The following ACTR3C variants were observed in gnomAD, a reference collection of about 807,000 sequenced individuals.
The protein encoded by ACTR3C is actin-related protein 3C.
A neutral mutation model predicts 26.3 loss-of-function variants in ACTR3C; 18 were observed. The ratio of observed to expected loss-of-function variants is 0.68; its 90% CI spans 0.47 to 1.01. The LOEUF (loss-of-function observed/expected upper bound fraction) is 1.01, where lower values mean the gene tolerates loss of function less well. Ranked by LOEUF, ACTR3C falls within the 50% of genes least tolerant of loss-of-function variation. ACTR3C has a pLI of 0.00. For missense variants in ACTR3C, 184 were observed against 250.7 expected, an observed-to-expected ratio of 0.73 and a Z score of 1.80; for synonymous variants, 55 against 94.5, an observed-to-expected ratio of 0.58 and a Z score of 2.42.
At chr7:150,181,325 A>C in the ACTR3C span, among the ~76,000 whole-genome samples, 1 of 150,980 alleles carries the variant, frequency 6.6e-6, no homozygotes, top group Non-Finnish European at 1.5e-5. Context: ...AGAAGAAAAC[A>C]ATCAGGTTCT....
chr7:150,043,300 C>G, the ACTR3C span, among the ~76,000 whole-genome samples: 1 of 151,062 alleles, frequency 6.6e-6, no homozygotes, highest in African/African-American at 2.4e-5. Flanking sequence ...GGAAGAGGGG[C>G]TGGCTCTCAG....
chr7:149,925,915 T>G, the ACTR3C span, among the ~76,000 whole-genome samples: 1 of 151,786 alleles, frequency 6.6e-6, no homozygotes, highest in South Asian at 2.1e-4. Context: ...ATACAAAAAT[T>G]AGCCCGATGT....
the ACTR3C span, among the ~76,000 whole-genome samples, chr7:149,986,840 T>C: frequency 2.1e-5 from 3 of 143,620 alleles, no homozygotes; most frequent in Non-Finnish European, 4.5e-5. Context: ...CAGAGCCAAA[T>C]GAAAGCTTCC....
chr7:149,888,174 A>G, the ACTR3C span, among the ~76,000 whole-genome samples: 1 of 152,130 alleles, frequency 6.6e-6, no homozygotes, highest in African/African-American at 2.4e-5. Context: ...ATACTGTTAC[A>G]TACAGATCTA....
At chr7:149,931,641 TGGA>T in the ACTR3C span, among the ~76,000 whole-genome samples, 5 of 152,284 alleles carry the variant, frequency 3.3e-5, no homozygotes, top group South Asian at 4.1e-4. Flanking sequence ...AGTGTCAACC[TGGA>T]GGAGTTTAAT....
At chr7:150,084,502 A>G in the ACTR3C span, among the ~76,000 whole-genome samples, 1 of 152,176 alleles carries the variant, frequency 6.6e-6, no homozygotes, top group Non-Finnish European at 1.5e-5. Flanking sequence ...GTGGTCAAGG[A>G]ATGCCTCACT....
intron 6 of ACTR3C, among the ~76,000 whole-genome samples, chr7:150,265,630 G>T (rs1343723904): frequency 6.6e-6 from 1 of 152,114 alleles, no homozygotes; most frequent in Non-Finnish European, 1.5e-5. Flanking sequence ...GGAGGCGGAG[G>T]TTGCAGTGAG....
chr7:150,149,247 A>G, the ACTR3C span, among the ~76,000 whole-genome samples: 151 of 151,720 alleles, frequency 1.0e-3, no homozygotes, highest in African/African-American at 3.5e-3. Context: ...TTCTGGATGG[A>G]CAAACTTTTG....
At chr7:150,039,117 G>A in the ACTR3C span, among the ~76,000 whole-genome samples, 2 of 149,770 alleles carry the variant, frequency 1.3e-5, no homozygotes, top group South Asian at 4.3e-4. Context: ...GGGTCCTAAG[G>A]ATCTTAGGAT....
chr7:150,178,647 T>G, the ACTR3C span, among the ~76,000 whole-genome samples: 77,234 of 150,182 alleles, frequency 0.51, 21,458 homozygotes, highest in East Asian at 0.71. Context: ...CTACTGCACT[T>G]AAAGTTATGG....
the ACTR3C span, among the ~76,000 whole-genome samples, chr7:150,053,790 A>G: frequency 1.3e-5 from 2 of 152,250 alleles, no homozygotes; most frequent in South Asian, 4.1e-4. Flanking sequence ...AGAAAGTGGA[A>G]AACTTGACTT....
the ACTR3C span, among the ~76,000 whole-genome samples, chr7:150,227,703 T>TTTTTTC: frequency 7.8e-6 from 1 of 128,000 alleles, no homozygotes. Flanking sequence ...TTTTTTTTGT[T>TTTTTTC]TTTTTTTTTT....
intron 6 of ACTR3C, among the ~76,000 whole-genome samples, chr7:150,249,298 T>G (rs562959374): frequency 1.8e-3 from 279 of 152,354 alleles, no homozygotes; most frequent in African/African-American, 6.5e-3. Context: ...AATAGTCACC[T>G]GCCACTTCTA....
the ACTR3C span, among the ~76,000 whole-genome samples, chr7:149,940,839 C>T: frequency 0.033 from 4,892 of 150,232 alleles, 252 homozygotes; most frequent in African/African-American, 0.11. Context: ...GGTTGGAGAA[C>T]ATCCAAGAGG....
chr7:150,312,743 T>C (rs1254106156), intron 1 of ACTR3C, among the ~76,000 whole-genome samples: 1 of 152,150 alleles, frequency 6.6e-6, no homozygotes, highest in Non-Finnish European at 1.5e-5. Flanking sequence ...CCTACCCCCA[T>C]AATCCCCAGA....
At chr7:150,318,176 T>G (rs933135265) in intron 1 of ACTR3C, among the ~76,000 whole-genome samples, 2 of 152,138 alleles carry the variant, frequency 1.3e-5, no homozygotes, top group African/African-American at 2.4e-5. Context: ...TCAGCCAGGA[T>G]GGGGAGGTTT....
the ACTR3C span, among the ~76,000 whole-genome samples, chr7:150,202,314 T>C: frequency 1.4e-3 from 212 of 152,106 alleles, 1 homozygote; most frequent in African/African-American, 5.0e-3. Context: ...TATTTCGGTT[T>C]TTGCTTGTTT....
chr7:150,066,223 G>T, the ACTR3C span, among the ~76,000 whole-genome samples: 8 of 152,170 alleles, frequency 5.3e-5, no homozygotes, highest in Non-Finnish European at 1.2e-4. Context: ...CACAGCTCTA[G>T]AACAGGAACT....
the ACTR3C span, among the ~76,000 whole-genome samples, chr7:150,041,008 CG>C: frequency 6.6e-6 from 1 of 150,594 alleles, no homozygotes; most frequent in East Asian, 1.9e-4. Flanking sequence ...TGTTTAGAGA[CG>C]TAGGCTACCG....
Sources: gnomAD v4.1 joint callset for allele counts (sites outside exome capture counted in the v4.1 genomes callset) on GRCh38, gnomAD v4.1.1 for gene constraint, MANE v1.5 for transcripts, NCBI Gene and HGNC (gene_info 2026-07-23, HGNC 2026-07-21) for gene names.